PALMD: variants seen among roughly 807,000 people sequenced by gnomAD.
PALMD encodes palmdelphin.
In PALMD, 42 loss-of-function variants were observed where a neutral mutation model predicts 56.2. The observed-to-expected ratio is 0.75, with a 90% CI of 0.58 to 0.97. The LOEUF (loss-of-function observed/expected upper bound fraction) is 0.97, where lower values mean the gene tolerates loss of function less well. PALMD is among the 50% of genes least tolerant of loss of function. PALMD has a pLI of 0.00. For synonymous variants in PALMD, 242 were observed against 222.9 expected, an observed-to-expected ratio of 1.09 and a Z score of -0.76; for missense variants, 660 against 643.8, an observed-to-expected ratio of 1.03 and a Z score of -0.27.
intron 1 of PALMD, among the ~76,000 whole-genome samples, chr1:99,660,284 T>A (rs1367737646): frequency 2.0e-5 from 3 of 152,210 alleles, no homozygotes; most frequent in African/African-American, 7.2e-5. Flanking sequence ...CACAGTGAAT[T>A]GGCTAGGAGT....
chr1:99,661,264 A>G (rs2100858543), intron 1 of PALMD, among the ~76,000 whole-genome samples: 1 of 152,352 alleles, frequency 6.6e-6, no homozygotes, highest in Non-Finnish European at 1.5e-5. Flanking sequence ...CCTCTGATCA[A>G]AAATGAGGAA....
chr1:99,667,837 C>G, intron 3 of PALMD, 71 bp downstream of exon 3: 17 of 1,343,754 alleles, frequency 1.3e-5, no homozygotes, highest in Non-Finnish European at 1.7e-5. Context: ...CATAGACATG[C>G]CATTCTCACT....
chr1:99,689,783 A>G lies in PALMD; in HGVS notation c.1523A>G (p.Glu508Gly). 1 of 1,613,846 alleles carries G rather than the reference A, an allele frequency of 6.2e-7. No homozygotes were observed. The highest frequency in any genetic ancestry group is 8.5e-7 in the Non-Finnish European group (1 of 1,179,840). The change falls in exon 7 of 8, where the codon GAG becomes GGG. Residue 508 changes from glutamate (E) to glycine (G), a missense_variant. Glu to Gly is a moderately conservative substitution (Grantham distance 98). Transcript: ENST00000263174. ...CACAAAAATTCCATATCTCTGAAAGAGCAAGAAGAAAGCTTAGGCAGCCCT... is the reference window on the plus strand; with the variant it reads ...CACAAAAATTCCATATCTCTGAAAGGGCAAGAAGAAAGCTTAGGCAGCCCT... The part of the protein sequence containing the change: ...SPHKNSISLK[E>G]QEESLGSPVH...
At chr1:99,678,205 G>C (rs1397231282) in intron 3 of PALMD, among the ~76,000 whole-genome samples, 1 of 151,386 alleles carries the variant, frequency 6.6e-6, no homozygotes, top group Non-Finnish European at 1.5e-5. Flanking sequence ...CCAGATTCAA[G>C]CGATTCTCCT....
Position 99,646,287 on chromosome 1 carries a change from C to T in PALMD, c.-31C>T. 1.9e-6 allele frequency: 3 copies of T among 1,603,732 alleles called. No individual in the cohort carries two copies. Among genetic ancestry groups the T allele is most frequent in the Non-Finnish European group, 2.6e-6 (3 of 1,170,558 alleles). ...TTGATTTATGGTAGCTTTGGACTTG[C>T]TTCCCCGTCTGACTGTCCTTGACTT... On this transcript the variant is annotated 5_prime_UTR_variant, in exon 1 of 8. Transcript: ENST00000263174.
chr1:99,690,057 A>G (rs1230656855), intron 7 of PALMD, 185 bp downstream of exon 7: 6 of 519,132 alleles, frequency 1.2e-5, no homozygotes, highest in Non-Finnish European at 2.0e-5. Context: ...TTCAAAAGAT[A>G]AAGAAAGTAA....
intron 3 of PALMD, chr1:99,685,988 T>C (rs996343044): frequency 1.1e-4 from 16 of 152,220 alleles, no homozygotes; most frequent in African/African-American, 3.4e-4. Context: ...TGTCTCTTTG[T>C]TGCTGTAAGT....
At chr1:99,677,608 G>A (rs1440460441) in intron 3 of PALMD, among the ~76,000 whole-genome samples, 4 of 152,094 alleles carry the variant, frequency 2.6e-5, no homozygotes, top group South Asian at 2.1e-4. Flanking sequence ...CAATTTTAAT[G>A]GCATGACCTG....
At position 99,667,660 on chromosome 1, in the gene PALMD, A is replaced by G. The variant is rs1437421996; in HGVS notation, c.145A>G (p.Lys49Glu). 6.2e-7 allele frequency: 1 copy of G among 1,613,272 alleles called. No homozygotes were observed. The highest frequency in any genetic ancestry group is 8.5e-7 in the Non-Finnish European group (1 of 1,179,364). Residue 49 changes from lysine (K) to glutamate (E), a missense_variant, in exon 3 of 8, where the codon AAA (lysine) becomes GAA (glutamate). Coordinates refer to ENST00000263174, the MANE Select transcript of PALMD (RefSeq NM_017734.5). ...ACATCAGAAAAAGGCCTTGAGGGAG[A>G]AATGGCTTCTAGATGGAATCAGCAG... Reference protein sequence around the residue: ...QHLKKKALREKWLLDGISSGK... With the variant: ...QHLKKKALREEWLLDGISSGK...
intron 3 of PALMD, chr1:99,668,738 AGT>A (rs1388113766): frequency 2.0e-5 from 3 of 152,244 alleles, no homozygotes; most frequent in African/African-American, 7.2e-5. Flanking sequence ...TGGTGTAAGA[AGT>A]AATGTTCTAA....
At chr1:99,666,290 A>T (rs1652958233) in intron 2 of PALMD, among the ~76,000 whole-genome samples, 1 of 152,096 alleles carries the variant, frequency 6.6e-6, no homozygotes, top group South Asian at 2.1e-4. Context: ...CCTCAGTAAA[A>T]AATAATCATC....
At chr1:99,652,694 G>GGAAAGGAAAGGAAAA (rs1553166835) in intron 1 of PALMD, among the ~76,000 whole-genome samples, 77 of 86,380 alleles carry the variant, frequency 8.9e-4, no homozygotes, top group East Asian at 5.6e-3. Flanking sequence ...GGAAAGGAAA[G>GGAAAGGAAAGGAAAA]GAAAAGAAAA....
intron 1 of PALMD, among the ~76,000 whole-genome samples, chr1:99,655,639 T>A (rs1652706370): frequency 6.6e-6 from 1 of 152,206 alleles, no homozygotes; most frequent in Admixed American, 6.5e-5. Context: ...AAGAGGTTAC[T>A]TAACAATATT....
rs752626190 is a variant in PALMD at position 99,689,513 on chromosome 1, T to C, written c.1253T>C (p.Met418Thr). Residue 418 changes from methionine to threonine, a missense_variant, in exon 7 of 8, where the codon ATG (methionine) becomes ACG (threonine). Met to Thr is a moderately conservative substitution (Grantham distance 81, BLOSUM62 -1). Transcript: ENST00000263174. ...ACAGAACCGGTGACAATGATTTTCA[T>C]GGGGTATCAGCAGGCAGAAGACAGT... ...NDTEPVTMIF[M>T]GYQQAEDSEE... 1.2e-5 allele frequency: 20 copies of C among 1,613,822 alleles called. No homozygotes were observed. The highest frequency in any genetic ancestry group is 1.7e-5 in the Non-Finnish European group (20 of 1,179,892).
chr1:99,652,055 T>C (rs574687209), intron 1 of PALMD, among the ~76,000 whole-genome samples: 36 of 152,358 alleles, frequency 2.4e-4, no homozygotes, highest in African/African-American at 7.7e-4. Flanking sequence ...TATTCTTACA[T>C]AGCATTTAGG....
rs1053801925 is a variant in PALMD at position 99,694,418 on chromosome 1, C to T, written c.*356C>T. 4 of 164,586 alleles carry T rather than the reference C, an allele frequency of 2.4e-5. No homozygotes were observed. Among genetic ancestry groups the T allele is most frequent in the African/African-American group, 9.6e-5 (4 of 41,738 alleles). The allele number at this position is 164,586 out of a possible 1,614,324, so 10.2% of individuals were successfully genotyped here. ...AACTGGCATTGTAATTTTGATGATA[C>T]AAAGATTGAAAGATCATAGGAAAGC... On this transcript the variant is annotated 3_prime_UTR_variant, in exon 8 of 8. Coordinates refer to ENST00000263174, the MANE Select transcript of PALMD (RefSeq NM_017734.5).
In PALMD at chr1:99,689,886, C is replaced by A; in HGVS notation, c.1612+14C>A. ...CATCCTTAACAGGTAATAAAAATGA[C>A]AAGGCATGCCACTGCTGTTCAGTCA... On this transcript the variant is annotated intron_variant, in intron 7 of 7. Coordinates refer to ENST00000263174, the MANE Select transcript of PALMD (RefSeq NM_017734.5). The A allele has an allele frequency of 6.3e-7, 1 of 1,575,120 alleles. No homozygotes were observed. Among genetic ancestry groups the A allele is most frequent in the Non-Finnish European group, 8.6e-7 (1 of 1,167,282 alleles).
Position 99,686,770 on chromosome 1 carries a change from A to G in PALMD, c.346A>G (p.Thr116Ala). 6.3e-7 allele frequency: 1 copy of G among 1,580,810 alleles called. No individual in the cohort carries two copies. The highest frequency in any genetic ancestry group is 2.2e-5 in the East Asian group (1 of 44,610). Residue 116 changes from threonine to alanine, a missense_variant, in exon 4 of 8, where the codon ACA becomes GCA. By Grantham distance (58) the Thr-to-Ala change is moderately conservative. Transcript: ENST00000263174. Reference sequence around the variant, plus strand: ...AAAGAAACTAAAGTCAATTGAGCGGACAACAGAAGACATTATAAGAGTGAG... The same window carrying G: ...AAAGAAACTAAAGTCAATTGAGCGGGCAACAGAAGACATTATAAGAGTGAG... The part of the protein sequence containing the change: ...ILKKLKSIER[T>A]TEDIIRSVKV...
chr1:99,687,075 G>T lies in PALMD; in HGVS notation c.401-1G>T. Reference sequence around the variant, plus strand: ...ATTTTGAATTCATATTAATTTTACAGAGTCAATTGAGGACATCTATGCTAA... The same window carrying T: ...ATTTTGAATTCATATTAATTTTACATAGTCAATTGAGGACATCTATGCTAA... On this transcript the variant is annotated splice_acceptor_variant, in intron 5 of 7. Coordinates refer to ENST00000263174, the MANE Select transcript of PALMD (RefSeq NM_017734.5). LOFTEE classifies it high-confidence loss of function. The T allele has an allele frequency of 6.3e-7, 1 of 1,578,970 alleles. No homozygotes were observed. The highest frequency in any genetic ancestry group is 8.7e-7 in the Non-Finnish European group (1 of 1,154,884).
Sources: gnomAD v4.1 joint callset for allele counts (sites outside exome capture counted in the v4.1 genomes callset) on GRCh38, gnomAD v4.1.1 for gene constraint, MANE v1.5 for transcripts, NCBI Gene and HGNC (gene_info 2026-07-23, HGNC 2026-07-21) for gene names.